The following VWC2L variants were observed in gnomAD, a reference collection of about 807,000 sequenced individuals.
The protein encoded by VWC2L is von Willebrand factor C domain-containing protein 2-like.
VWC2L carries 10 observed loss-of-function variants against 21.6 expected under a neutral mutation model. The observed-to-expected ratio is 0.46, with a 90% CI of 0.29 to 0.78. The LOEUF (loss-of-function observed/expected upper bound fraction) is 0.78. Ranked by LOEUF, VWC2L falls within the 30% of genes least tolerant of loss-of-function variation. The pLI, the probability that VWC2L is intolerant of heterozygous loss-of-function variation, is 0.10. For synonymous variants in VWC2L, 96 were observed against 94.3 expected (o/e 1.02, Z -0.10); for missense variants, 209 against 277.1 (o/e 0.75, Z 1.74).
intron 3 of VWC2L, among the ~76,000 whole-genome samples, chr2:214,531,984 A>G (rs57214237): frequency 0.1 from 15,926 of 152,096 alleles, 2,771 homozygotes; most frequent in African/African-American, 0.36. Context: ...TTTCTCTCTC[A>G]GCTCAGTAAA....
chr2:214,519,340 C>T (rs566703179), intron 3 of VWC2L, among the ~76,000 whole-genome samples: 17 of 152,260 alleles, frequency 1.1e-4, no homozygotes, highest in African/African-American at 3.4e-4. Context: ...TGATAAAACA[C>T]AGTCTCTGCC....
rs1702273079 is a variant in VWC2L at position 214,411,712 on chromosome 2, T to G, written c.-155T>G. 1 of 152,236 alleles carries G rather than the reference T, an allele frequency of 6.6e-6. No individual in the cohort carries two copies. The highest frequency in any genetic ancestry group is 2.4e-5 in the African/African-American group (1 of 41,448). The allele number at this position is 152,236 out of a possible 1,614,324, so 9.4% of individuals were successfully genotyped here. ...GGGTAATTAAAGAGGAACTGCTTTC[T>G]TAAAACATACCTGACCTTTTAGTTC... On this transcript the variant is annotated 5_prime_UTR_variant, in exon 1 of 4. Coordinates refer to ENST00000312504, the MANE Select transcript of VWC2L (RefSeq NM_001080500.4).
chr2:214,574,967 T>C (rs1444273099), intron 3 of VWC2L, among the ~76,000 whole-genome samples: 1 of 151,324 alleles, frequency 6.6e-6, no homozygotes. Context: ...AATAAGGCTT[T>C]TGAATGTCAA....
rs940765203 is a variant in VWC2L, at chr2:214,451,310, G to T, written c.520+14552G>T. Among the ~76,000 whole-genome samples the T allele has an allele frequency of 2.6e-3, 211 of 80,220 alleles. 2 individuals carry two copies. Among genetic ancestry groups the T allele is most frequent in the African/African-American group, 0.014 (182 of 12,700 alleles). 52.6% of individuals were successfully genotyped at this position (80,220 alleles called of 152,430 possible). On this transcript the variant is annotated intron_variant, in intron 3 of 3. Coordinates refer to ENST00000312504, the MANE Select transcript of VWC2L (RefSeq NM_001080500.4). ...AAGGAAGGATAAGTGGGTCGGTGTG[G>T]GGGGGGGGGGCAGTAAAAGCTGAAA...
chr2:214,502,765 T>G (rs1688912501), intron 3 of VWC2L, among the ~76,000 whole-genome samples: 1 of 152,208 alleles, frequency 6.6e-6, no homozygotes, highest in African/African-American at 2.4e-5. Flanking sequence ...TAGAAATTCT[T>G]GTGAAAGTCA....
chr2:214,563,269 C>T lies in VWC2L; in HGVS notation c.521-12403C>T, dbSNP rs183861314. On this transcript the variant is annotated intron_variant, in intron 3 of 3. Coordinates refer to ENST00000312504, the MANE Select transcript of VWC2L (RefSeq NM_001080500.4). ...TGTAAAAGATCAAGTGGTTGTAGGC[C>T]GGGTGCGGTGGTGCACGCCTGTAAT... is the stretch of plus-strand genomic sequence containing the variant. 5.8e-3 allele frequency among the ~76,000 whole-genome samples: 876 copies of T among 152,060 alleles called. 17 individuals carry two copies. The highest frequency in any genetic ancestry group is 0.02 in the African/African-American group (841 of 41,466).
intron 3 of VWC2L, among the ~76,000 whole-genome samples, chr2:214,561,659 C>T (rs986310015): frequency 6.6e-6 from 1 of 151,446 alleles, no homozygotes; most frequent in African/African-American, 2.4e-5. Flanking sequence ...CCTATAGCCC[C>T]AGCTACTCAG....
chr2:214,542,031 G>T lies in VWC2L; in HGVS notation c.521-33641G>T, dbSNP rs939379858. Among the ~76,000 whole-genome samples the T allele has an allele frequency of 3.3e-5, 5 of 151,966 alleles. 1 individual carries two copies. Among genetic ancestry groups the T allele is most frequent in the African/African-American group, 1.2e-4 (5 of 41,370 alleles). ...GTTTATTTTTGATCACGTGGATGAG[G>T]TCATTCATTATCGGACAGCATTGGC... On this transcript the variant is annotated intron_variant, in intron 3 of 3. Coordinates refer to ENST00000312504, the MANE Select transcript of VWC2L (RefSeq NM_001080500.4).
At chr2:214,501,416 T>C (rs1304391915) in intron 3 of VWC2L, among the ~76,000 whole-genome samples, 1 of 152,078 alleles carries the variant, frequency 6.6e-6, no homozygotes, top group African/African-American at 2.4e-5. Context: ...ACTCCCACCT[T>C]AAATCTGCTT....
chr2:214,451,185 T>C (rs79442515), intron 3 of VWC2L, among the ~76,000 whole-genome samples: 1,767 of 152,126 alleles, frequency 0.012, 38 homozygotes, highest in African/African-American at 0.04. Flanking sequence ...GCATTCTATG[T>C]CTTAACAAGG....
At chr2:214,466,506 T>A (rs951129979) in intron 3 of VWC2L, among the ~76,000 whole-genome samples, 3 of 152,336 alleles carry the variant, frequency 2.0e-5, no homozygotes, top group Admixed American at 1.3e-4. Context: ...TGTGGGTTCA[T>A]AGTTTCTGTG....
At chr2:214,521,265 A>C (rs1013387066) in intron 3 of VWC2L, among the ~76,000 whole-genome samples, 29 of 150,812 alleles carry the variant, frequency 1.9e-4, no homozygotes, top group South Asian at 4.2e-4. Flanking sequence ...ATAAATAAAT[A>C]AATAAATAAA....
chr2:214,471,146 T>C (rs1703303939), intron 3 of VWC2L, among the ~76,000 whole-genome samples: 1 of 152,158 alleles, frequency 6.6e-6, no homozygotes, highest in South Asian at 2.1e-4. Context: ...ATGAGGAACA[T>C]GACACTATCC....
In VWC2L at chr2:214,578,047, A is replaced by G. The variant is rs1337716296; in HGVS notation, c.*2227A>G. ...GTAAAGGAATTCCACACTTTAGCTTATGTCTAGACAGAGATGTATTATAGA... is the reference window on the plus strand; with the variant it reads ...GTAAAGGAATTCCACACTTTAGCTTGTGTCTAGACAGAGATGTATTATAGA... On this transcript the variant is annotated 3_prime_UTR_variant, in exon 4 of 4. Transcript: ENST00000312504. 6.6e-6 allele frequency: 1 copy of G among 152,210 alleles called. No individual in the cohort carries two copies. Among genetic ancestry groups the G allele is most frequent in the East Asian group, 1.9e-4 (1 of 5,198 alleles). The allele number at this position is 152,210 out of a possible 1,614,324, so 9.4% of individuals were successfully genotyped here.
At chr2:214,438,435 T>G (rs894488162) in intron 3 of VWC2L, among the ~76,000 whole-genome samples, 3 of 151,992 alleles carry the variant, frequency 2.0e-5, no homozygotes, top group Admixed American at 2.0e-4. Context: ...TCTAAACAAG[T>G]CCTTGAGGCT....
At chr2:214,530,526 A>G (rs1689416886) in intron 3 of VWC2L, among the ~76,000 whole-genome samples, 1 of 152,182 alleles carries the variant, frequency 6.6e-6, no homozygotes, top group Non-Finnish European at 1.5e-5. Context: ...CAAAGCTGAA[A>G]AGATAGGCAG....
At chr2:214,467,289 G>A (rs1559299526) in intron 3 of VWC2L, among the ~76,000 whole-genome samples, 2 of 152,128 alleles carry the variant, frequency 1.3e-5, no homozygotes. Context: ...TGTATATGCT[G>A]ATCAATACTC....
In VWC2L at chr2:214,578,928, T is replaced by C. The variant is rs1310060214; in HGVS notation, c.*3108T>C. 6.6e-6 allele frequency: 1 copy of C among 151,914 alleles called. No homozygotes were observed. The highest frequency in any genetic ancestry group is 1.5e-5 in the Non-Finnish European group (1 of 67,994). The allele number at this position is 151,914 out of a possible 1,614,324, so 9.4% of individuals were successfully genotyped here. A position where few individuals can be genotyped will look rare whatever the true frequency, so the allele number is the denominator to read the frequency against. ...ACAATATTTGATGTGTAAAAGAATA[T>C]ATTATTAAAAAATTATTTTGTTAAA... On this transcript the variant is annotated 3_prime_UTR_variant, in exon 4 of 4. Coordinates refer to ENST00000312504, the MANE Select transcript of VWC2L (RefSeq NM_001080500.4).
At chr2:214,478,907 T>C (rs1045222151) in intron 3 of VWC2L, among the ~76,000 whole-genome samples, 1 of 152,218 alleles carries the variant, frequency 6.6e-6, no homozygotes, top group Non-Finnish European at 1.5e-5. Flanking sequence ...GCTTCCCAGA[T>C]GCAGGAAAAC....
Sources: gnomAD v4.1 joint callset for allele counts (sites outside exome capture counted in the v4.1 genomes callset) on GRCh38, gnomAD v4.1.1 for gene constraint, MANE v1.5 for transcripts, NCBI Gene and HGNC (gene_info 2026-07-23, HGNC 2026-07-21) for gene names.